Variants in GRIK2 observed in about 807,000 individuals in gnomAD.
GRIK2 encodes glutamate receptor ionotropic, kainate 2.
Under a neutral mutation model 100.3 loss-of-function variants are expected in GRIK2, and 32 were observed. That is an observed-to-expected ratio of 0.32 (90% CI 0.24 to 0.43). GRIK2 has a LOEUF of 0.43. GRIK2 is among the 20% of genes least tolerant of loss of function. GRIK2 has a pLI of 1.00. For synonymous variants in GRIK2, 417 were observed against 389.4 expected (o/e 1.07, Z -0.83); for missense variants, 843 against 1,114.9 (o/e 0.76, Z 3.47).
At chr6:101,635,104 A>G (rs1780941103) in intron 4 of GRIK2, among the ~76,000 whole-genome samples, 1 of 152,112 alleles carries the variant, frequency 6.6e-6, no homozygotes, top group Non-Finnish European at 1.5e-5. Flanking sequence ...TTTCCATTTT[A>G]TTTTAGGGAG....
At chr6:101,680,173 G>T (rs1193019787) in intron 5 of GRIK2, among the ~76,000 whole-genome samples, 1 of 152,174 alleles carries the variant, frequency 6.6e-6, no homozygotes, top group Admixed American at 6.5e-5. Flanking sequence ...AGGTGATGAA[G>T]AAAAACCTGT....
chr6:101,910,107 A>G (rs1404903378), intron 12 of GRIK2, among the ~76,000 whole-genome samples: 4 of 151,196 alleles, frequency 2.6e-5, no homozygotes, highest in Non-Finnish European at 4.4e-5. Flanking sequence ...TATTTTAAAT[A>G]TCTTTATAAA....
Position 102,052,963 on chromosome 6 carries a change from G to A in GRIK2, c.2312-2367G>A, listed in dbSNP as rs936799306. 7.2e-5 allele frequency among the ~76,000 whole-genome samples: 11 copies of A among 151,934 alleles called. 1 individual carries two copies. The highest frequency in any genetic ancestry group is 1.5e-4 in the Non-Finnish European group (10 of 67,986). ...GGCACCTGTCATCCCAGCTACTCAGGATGCTGAGGCAGGAGAATCACTTGA... is the reference window on the plus strand; with the variant it reads ...GGCACCTGTCATCCCAGCTACTCAGAATGCTGAGGCAGGAGAATCACTTGA... On this transcript the variant is annotated intron_variant, in intron 15 of 16. Coordinates refer to ENST00000369134, the MANE Select transcript of GRIK2 (RefSeq NM_021956.5).
chr6:101,974,289 C>T (rs916570889), intron 14 of GRIK2, among the ~76,000 whole-genome samples: 1 of 151,792 alleles, frequency 6.6e-6, no homozygotes, highest in African/African-American at 2.4e-5. Context: ...CTATGTCTGC[C>T]AGAAAATGTG....
At chr6:101,588,417 G>A (rs1778479245) in intron 2 of GRIK2, among the ~76,000 whole-genome samples, 1 of 151,844 alleles carries the variant, frequency 6.6e-6, no homozygotes, top group Non-Finnish European at 1.5e-5. Context: ...CAGGATAAAT[G>A]TAGAAAGGTT....
intron 10 of GRIK2, among the ~76,000 whole-genome samples, chr6:101,836,639 A>ATGTG (rs1250344741): frequency 2.5e-5 from 3 of 119,952 alleles, no homozygotes; most frequent in Non-Finnish European, 5.1e-5. Context: ...ATATATATGT[A>ATGTG]TGTGTATATA....
At chr6:101,808,429 C>G (rs992466368) in intron 9 of GRIK2, among the ~76,000 whole-genome samples, 4 of 151,994 alleles carry the variant, frequency 2.6e-5, no homozygotes, top group African/African-American at 9.7e-5. Context: ...TTTAAACTCT[C>G]CTATGTGACC....
At chr6:101,464,923 AT>A (rs1771562542) in intron 2 of GRIK2, among the ~76,000 whole-genome samples, 1 of 152,158 alleles carries the variant, frequency 6.6e-6, no homozygotes, top group African/African-American at 2.4e-5. Context: ...ATATGGGGGA[AT>A]TGAATTAGAT....
chr6:101,796,292 T>C (rs1583170161), intron 7 of GRIK2, among the ~76,000 whole-genome samples: 1 of 152,286 alleles, frequency 6.6e-6, no homozygotes, highest in East Asian at 1.9e-4. Context: ...CACACAGATA[T>C]TGAATGAATG....
chr6:101,700,535 A>G (rs776268087), intron 7 of GRIK2, among the ~76,000 whole-genome samples: 9 of 152,106 alleles, frequency 5.9e-5, no homozygotes, highest in South Asian at 2.1e-4. Flanking sequence ...ATTTGTGGTG[A>G]TTATATAAAG....
At chr6:101,639,344 T>C (rs1291405530) in intron 4 of GRIK2, among the ~76,000 whole-genome samples, 1 of 152,164 alleles carries the variant, frequency 6.6e-6, no homozygotes, top group African/African-American at 2.4e-5. Context: ...AGATAACTGA[T>C]TTTATAAGAC....
chr6:101,795,170 T>A, intron 7 of GRIK2, among the ~76,000 whole-genome samples: 1 of 152,152 alleles, frequency 6.6e-6, no homozygotes, highest in African/African-American at 2.4e-5. Flanking sequence ...CCCGGCCAGC[T>A]TTTTTCAATT....
chr6:101,707,840 G>A (rs1773447266), intron 7 of GRIK2, among the ~76,000 whole-genome samples: 1 of 151,442 alleles, frequency 6.6e-6, no homozygotes, highest in Admixed American at 6.6e-5. Context: ...AGAATTCATT[G>A]TTATTTTTCG....
intron 2 of GRIK2, among the ~76,000 whole-genome samples, chr6:101,487,477 T>C (rs1772888939): frequency 6.8e-6 from 1 of 146,830 alleles, no homozygotes; most frequent in Non-Finnish European, 1.5e-5. Flanking sequence ...ATGGAAGTCA[T>C]TATTTTTCAC....
At chr6:101,604,399 G>A (rs542813167) in intron 2 of GRIK2, among the ~76,000 whole-genome samples, 1 of 151,934 alleles carries the variant, frequency 6.6e-6, no homozygotes, top group South Asian at 2.1e-4. Context: ...TTGCCCTTCT[G>A]CAGTCATGAG....
intron 7 of GRIK2, among the ~76,000 whole-genome samples, chr6:101,719,230 T>C (rs1379384974): frequency 6.9e-6 from 1 of 145,386 alleles, no homozygotes; most frequent in African/African-American, 2.6e-5. Context: ...GCAGATTTCC[T>C]GAATCAAATA....
intron 14 of GRIK2, among the ~76,000 whole-genome samples, chr6:102,023,893 T>C (rs901318332): frequency 6.6e-6 from 1 of 151,310 alleles, no homozygotes; most frequent in Non-Finnish European, 1.5e-5. Context: ...GAACATGGTA[T>C]AATATAAAAA....
rs1582460427 is a variant in GRIK2, at chr6:101,887,437, A to G, written c.1525-2203A>G. Among the ~76,000 whole-genome samples the G allele has an allele frequency of 3.9e-5, 6 of 152,276 alleles. 1 individual carries two copies. The Middle Eastern group carries it at 0.014, about 345-fold the overall frequency. ...AGGAGGTTACAGAATGAAGTAACAC[A>G]TACATAAATTGTGCTGTGTAGTCAA... On this transcript the variant is annotated intron_variant, in intron 11 of 16. Transcript: ENST00000369134.
chr6:101,733,955 G>T (rs1775461977), intron 7 of GRIK2, among the ~76,000 whole-genome samples: 1 of 151,768 alleles, frequency 6.6e-6, no homozygotes, highest in Admixed American at 6.6e-5. Flanking sequence ...CACCAGAATT[G>T]CCCTTAACAC....
Sources: gnomAD v4.1 joint callset for allele counts (sites outside exome capture counted in the v4.1 genomes callset) on GRCh38, gnomAD v4.1.1 for gene constraint, MANE v1.5 for transcripts, NCBI Gene and HGNC (gene_info 2026-07-23, HGNC 2026-07-21) for gene names.